Variants in OTUD7A observed in about 807,000 individuals in gnomAD.
The protein encoded by OTUD7A is OTU deubiquitinase 7A, also known as OTU domain-containing protein 7A.
In OTUD7A, 12 loss-of-function variants were observed where a neutral mutation model predicts 65.7. That is an observed-to-expected ratio of 0.18 (90% CI 0.12 to 0.30). The LOEUF (loss-of-function observed/expected upper bound fraction) is 0.30. Ranked by LOEUF, OTUD7A falls within the 10% of genes least tolerant of loss-of-function variation. OTUD7A has a pLI of 1.00. For synonymous variants in OTUD7A, 641 were observed against 586.3 expected, an observed-to-expected ratio of 1.09 and a Z score of -1.35; for missense variants, 1,148 against 1,304.8, an observed-to-expected ratio of 0.88 and a Z score of 1.85.
intron 8 of OTUD7A, among the ~76,000 whole-genome samples, chr15:31,515,946 C>G (rs2041846173): frequency 6.8e-6 from 1 of 147,020 alleles, no homozygotes; most frequent in East Asian, 2.2e-4. Context: ...ATCCATCCAT[C>G]CATCCATCCA....
intron 1 of OTUD7A, among the ~76,000 whole-genome samples, chr15:31,682,434 G>A (rs187256232): frequency 4.0e-4 from 61 of 152,048 alleles, no homozygotes; most frequent in South Asian, 1.0e-3. Context: ...CCAAAACAAC[G>A]TTGAAAAAGA....
chr15:31,675,438 T>G (rs931862230), intron 1 of OTUD7A, among the ~76,000 whole-genome samples: 2 of 152,132 alleles, frequency 1.3e-5, no homozygotes, highest in Non-Finnish European at 2.9e-5. Flanking sequence ...TCTTAACAAA[T>G]TTGAGGAGAA....
intron 3 of OTUD7A, among the ~76,000 whole-genome samples, chr15:31,623,877 G>A (rs1016831761): frequency 1.1e-4 from 17 of 152,348 alleles, no homozygotes; most frequent in Admixed American, 3.3e-4. Context: ...GCTGTAGACT[G>A]GAGCTGTTCC....
intron 3 of OTUD7A, among the ~76,000 whole-genome samples, chr15:31,571,869 C>T (rs897938836): frequency 4.6e-5 from 7 of 152,150 alleles, no homozygotes; most frequent in African/African-American, 1.7e-4. Flanking sequence ...CATGGGAGGG[C>T]AGTAGAAGCC....
At chr15:31,851,177 T>C (rs1161003662) in intron 1 of OTUD7A, among the ~76,000 whole-genome samples, 2 of 152,210 alleles carry the variant, frequency 1.3e-5, no homozygotes, top group Non-Finnish European at 2.9e-5. Context: ...ACCAAGAGGC[T>C]GGTTTTTAAA....
chr15:31,495,175 A>C (rs1232143003), intron 10 of OTUD7A, among the ~76,000 whole-genome samples: 1 of 150,838 alleles, frequency 6.6e-6, no homozygotes, highest in Non-Finnish European at 1.5e-5. Context: ...TGACTGAAAA[A>C]CCCTCAGCCA....
At chr15:31,754,967 G>T (rs1894767161) in intron 1 of OTUD7A, among the ~76,000 whole-genome samples, 1 of 152,016 alleles carries the variant, frequency 6.6e-6, no homozygotes, top group Non-Finnish European at 1.5e-5. Context: ...AGTCTAGTTG[G>T]CTGGCACAGA....
intron 1 of OTUD7A, among the ~76,000 whole-genome samples, chr15:31,869,003 CATTAATT>C (rs1314176848): frequency 6.6e-6 from 1 of 152,078 alleles, no homozygotes; most frequent in Non-Finnish European, 1.5e-5. Context: ...TAGGAGGTGT[CATTAATT>C]ATTAAATACA....
At chr15:31,803,180 C>T (rs1896180629) in intron 1 of OTUD7A, among the ~76,000 whole-genome samples, 1 of 152,162 alleles carries the variant, frequency 6.6e-6, no homozygotes, top group East Asian at 1.9e-4. Context: ...TGGCCCAGGT[C>T]ACCAGGTCAT....
intron 8 of OTUD7A, among the ~76,000 whole-genome samples, 186 bp from the exon 9 acceptor site, chr15:31,504,004 G>C (rs72724997): frequency 0.14 from 21,323 of 152,222 alleles, 1,538 homozygotes; most frequent in Admixed American, 0.2. Flanking sequence ...ACAGGTCCCA[G>C]CTCCCCTACC....
At chr15:31,554,851 A>G (rs146021144) in intron 5 of OTUD7A, among the ~76,000 whole-genome samples, 28 of 152,308 alleles carry the variant, frequency 1.8e-4, no homozygotes, top group African/African-American at 6.0e-4. Flanking sequence ...CAGGCTAGTC[A>G]TTAAAGAACG....
intron 5 of OTUD7A, among the ~76,000 whole-genome samples, chr15:31,550,103 G>GTA (rs71422896): frequency 2.4e-5 from 3 of 127,224 alleles, no homozygotes; most frequent in South Asian, 2.7e-4. Context: ...CTGTCTCCAG[G>GTA]AAAAAAAAAA....
At chr15:31,632,746 C>A (rs1221935499) in intron 3 of OTUD7A, among the ~76,000 whole-genome samples, 1 of 151,878 alleles carries the variant, frequency 6.6e-6, no homozygotes. Flanking sequence ...GGCAGGCAGG[C>A]CTCCTTGAGC....
intron 1 of OTUD7A, among the ~76,000 whole-genome samples, chr15:31,848,822 G>C (rs1450889364): frequency 6.6e-6 from 1 of 152,200 alleles, no homozygotes; most frequent in Non-Finnish European, 1.5e-5. Flanking sequence ...CAAAGTCAGA[G>C]AGCATGCACT....
At chr15:31,562,367 G>A (rs968222108) in intron 4 of OTUD7A, among the ~76,000 whole-genome samples, 10 of 152,220 alleles carry the variant, frequency 6.6e-5, no homozygotes, top group African/African-American at 1.9e-4. Flanking sequence ...CCAGGGACCA[G>A]GCAGCCGGAG....
At chr15:31,754,663 TG>T (rs1894758565) in intron 1 of OTUD7A, among the ~76,000 whole-genome samples, 1 of 151,792 alleles carries the variant, frequency 6.6e-6, no homozygotes, top group Non-Finnish European at 1.5e-5. Flanking sequence ...ATCAGTTGGC[TG>T]TAAGTATTTC....
chr15:31,597,161 C>A (rs1446593622), intron 3 of OTUD7A, among the ~76,000 whole-genome samples: 1 of 152,052 alleles, frequency 6.6e-6, no homozygotes, highest in Non-Finnish European at 1.5e-5. Flanking sequence ...TTCCTAAGCT[C>A]AAGTAATCTG....
chr15:31,503,881 G>A lies in OTUD7A; in HGVS notation c.894-63C>T, dbSNP rs2041514036. On this transcript the variant is annotated intron_variant, in intron 8 of 12. Coordinates refer to ENST00000307050, the MANE Select transcript of OTUD7A (RefSeq NM_001382637.1). ...AACAGGGTGGAGGATGGAGAAAGTGGGGACTGCTTCATGCAGGGGCTGAGC... is the reference window on the plus strand; with the variant it reads ...AACAGGGTGGAGGATGGAGAAAGTGAGGACTGCTTCATGCAGGGGCTGAGC... 3 of 1,593,418 alleles carry A rather than the reference G, an allele frequency of 1.9e-6. No homozygotes were observed. In the East Asian group the frequency reaches 6.7e-5, roughly 36 times the overall value.
At chr15:31,573,722 G>C (rs187624047) in intron 3 of OTUD7A, among the ~76,000 whole-genome samples, 2 of 152,126 alleles carry the variant, frequency 1.3e-5, no homozygotes, top group Admixed American at 6.5e-5. Context: ...CCAACATGGC[G>C]AAACCCTGTC....
Sources: allele counts gnomAD v4.1 joint callset (sites outside exome capture counted in the v4.1 genomes callset), GRCh38; gene constraint gnomAD v4.1.1; transcripts MANE v1.5; gene names NCBI Gene and HGNC (gene_info 2026-07-23, HGNC 2026-07-21).